The following PAX2 variants were observed in gnomAD, a reference collection of about 807,000 sequenced individuals.
PAX2 encodes the protein paired box protein Pax-2.
Under a neutral mutation model 41.7 loss-of-function variants are expected in PAX2, and 9 were observed. That is an observed-to-expected ratio of 0.22 (90% CI 0.13 to 0.38). PAX2 has a LOEUF of 0.38. Ranked by LOEUF, PAX2 falls within the 10% of genes least tolerant of loss-of-function variation. PAX2 has a pLI of 1.00. For missense variants in PAX2, 418 were observed against 531.6 expected (o/e 0.79, Z 2.10); for synonymous variants, 221 against 212.7 (o/e 1.04, Z -0.34).
At chr10:100,815,979 T>C (rs1387858456) in intron 7 of PAX2, among the ~76,000 whole-genome samples, 1 of 152,138 alleles carries the variant, frequency 6.6e-6, no homozygotes, top group African/African-American at 2.4e-5. Context: ...AAAGACGTAG[T>C]TCTGGTGTTT....
Position 100,750,029 on chromosome 10 carries a change from C to A in PAX2, c.212+115C>A. On this transcript the variant is annotated intron_variant, in intron 2 of 9. Transcript: ENST00000355243. This position sits in a 1 kb window ranked among gnomAD's most constrained non-coding sequence, Gnocchi z 4.1. ...AGCGTGCCAAGCCAGAGAGGGAGAT[C>A]CCCAAAGGGGTCTGGAGAGGTGCTC... The A allele has an allele frequency of 8.2e-7, 1 of 1,226,058 alleles. No homozygotes were observed. Among genetic ancestry groups the A allele is most frequent in the Non-Finnish European group, 1.1e-6 (1 of 872,232 alleles). The allele number at this position is 1,226,058 out of a possible 1,614,324, so 75.9% of individuals were successfully genotyped here.
At chr10:100,798,162 C>T (rs1847406179) in intron 5 of PAX2, among the ~76,000 whole-genome samples, 1 of 137,574 alleles carries the variant, frequency 7.3e-6, no homozygotes, top group Non-Finnish European at 1.5e-5. Flanking sequence ...GTCTCCCAGG[C>T]TGGAGTGCAG....
chr10:100,807,049 A>G (rs999693804), intron 6 of PAX2, among the ~76,000 whole-genome samples: 1 of 152,040 alleles, frequency 6.6e-6, no homozygotes, highest in African/African-American at 2.4e-5. Flanking sequence ...CTCCTTGCCC[A>G]GTGTCAGGAG....
intron 7 of PAX2, among the ~76,000 whole-genome samples, chr10:100,813,970 A>G (rs1437175955): frequency 6.6e-6 from 1 of 152,222 alleles, no homozygotes; most frequent in East Asian, 1.9e-4. Context: ...GAAGCAATAA[A>G]CAGAACAGTT....
intron 5 of PAX2, among the ~76,000 whole-genome samples, chr10:100,805,624 G>C (rs12780810): frequency 0.17 from 26,100 of 152,214 alleles, 2,678 homozygotes; most frequent in Middle Eastern, 0.34. Flanking sequence ...GCAGGCACCG[G>C]TGTGATAAGA....
intron 2 of PAX2, 53 bp downstream of exon 2, chr10:100,749,967 C>T (rs1845373711): frequency 6.3e-7 from 1 of 1,582,022 alleles, no homozygotes; most frequent in African/African-American, 1.3e-5. Flanking sequence ...CCCCGGCCAG[C>T]CCTGGGTCTC....
chr10:100,816,030 T>A (rs1848175193), intron 7 of PAX2, among the ~76,000 whole-genome samples: 1 of 152,236 alleles, frequency 6.6e-6, no homozygotes, highest in South Asian at 2.1e-4. Context: ...CTTGGGCCTT[T>A]CTTCTTACCT....
At chr10:100,800,520 C>T (rs1300003981) in intron 5 of PAX2, among the ~76,000 whole-genome samples, 1 of 152,146 alleles carries the variant, frequency 6.6e-6, no homozygotes, top group Non-Finnish European at 1.5e-5. Context: ...AGCAATCCTC[C>T]AGCCTCAGCC....
At chr10:100,739,529 C>T (rs1449457177) in intron 1 of PAX2, among the ~76,000 whole-genome samples, 1 of 152,234 alleles carries the variant, frequency 6.6e-6, no homozygotes, top group Non-Finnish European at 1.5e-5. Flanking sequence ...CCGCCCCTCT[C>T]CAACTCTGCC....
At chr10:100,789,307 T>C (rs1480940226) in intron 5 of PAX2, among the ~76,000 whole-genome samples, 1 of 152,196 alleles carries the variant, frequency 6.6e-6, no homozygotes, top group Non-Finnish European at 1.5e-5. Flanking sequence ...GGTTTCACCA[T>C]GTTGGCCAGG....
At chr10:100,759,921 G>A (rs546339221) in intron 3 of PAX2, among the ~76,000 whole-genome samples, 84 of 152,336 alleles carry the variant, frequency 5.5e-4, no homozygotes, top group Non-Finnish European at 1.1e-3. Flanking sequence ...TACCTGGCAG[G>A]CAGATGATAG....
chr10:100,773,665 G>C (rs529627218), intron 3 of PAX2, among the ~76,000 whole-genome samples: 1 of 152,174 alleles, frequency 6.6e-6, no homozygotes, highest in East Asian at 1.9e-4. Flanking sequence ...TTTGCGTGGC[G>C]ATCAATGAGA....
intron 5 of PAX2, among the ~76,000 whole-genome samples, chr10:100,795,178 T>C (rs1316739173): frequency 1.3e-5 from 2 of 152,232 alleles, no homozygotes; most frequent in Admixed American, 1.3e-4. Flanking sequence ...ATGTTAACAC[T>C]CACTACTTCC....
intron 1 of PAX2, chr10:100,735,849 G>A (rs1003791044): frequency 5.6e-5 from 39 of 700,044 alleles, no homozygotes; most frequent in Non-Finnish European, 6.6e-5. Flanking sequence ...AGTACCCGGC[G>A]GGCGACGTGA....
intron 5 of PAX2, among the ~76,000 whole-genome samples, chr10:100,787,246 C>T (rs1418019198): frequency 1.3e-5 from 2 of 152,038 alleles, no homozygotes; most frequent in African/African-American, 2.4e-5. Context: ...GAGGGTCAGG[C>T]ACTCAGTGGA....
intron 1 of PAX2, among the ~76,000 whole-genome samples, chr10:100,736,121 C>T (rs1345337582): frequency 1.3e-5 from 2 of 152,092 alleles, no homozygotes; most frequent in Non-Finnish European, 2.9e-5. Context: ...GCTGGGCCAG[C>T]GCCTATGCCA....
exon 1 of PAX2, chr10:100,735,701 A>T: frequency 1.0e-5 from 11 of 1,054,102 alleles, no homozygotes; most frequent in Non-Finnish European, 1.3e-5. Flanking sequence ...GGCCGCGGGG[A>T]GCCTAGCATG....
At chr10:100,775,581 G>T (rs1306113103) in intron 3 of PAX2, among the ~76,000 whole-genome samples, 1 of 152,164 alleles carries the variant, frequency 6.6e-6, no homozygotes, top group Non-Finnish European at 1.5e-5. Flanking sequence ...AGCTAAATTT[G>T]CGCCAGTGCC....
At chr10:100,821,043 G>T (rs1046117206) in intron 7 of PAX2, among the ~76,000 whole-genome samples, 3 of 152,208 alleles carry the variant, frequency 2.0e-5, no homozygotes, top group African/African-American at 7.2e-5. Context: ...AGTACAGCAA[G>T]GCCCAGTGCT....
Sources: gnomAD v4.1 joint callset for allele counts (sites outside exome capture counted in the v4.1 genomes callset) on GRCh38, gnomAD v4.1.1 for gene constraint, Gnocchi (gnomAD v3.1) non-coding constraint, MANE v1.5 for transcripts, NCBI Gene and HGNC (gene_info 2026-07-23, HGNC 2026-07-21) for gene names.